Variants in DLEU7 observed in about 807,000 individuals in gnomAD.
DLEU7 encodes leukemia-associated protein 7.
A neutral mutation model predicts 16.0 loss-of-function variants in DLEU7; 17 were observed. The observed-to-expected ratio is 1.06, with a 90% confidence interval of 0.73 to 1.59. The LOEUF is 1.59. DLEU7 is among the 40% of genes most tolerant of loss of function. The pLI, the probability that DLEU7 is intolerant of heterozygous loss-of-function variation, is 0.00. For missense variants in DLEU7, 308 were observed against 314.9 expected (o/e 0.98, Z 0.17); for synonymous variants, 113 against 139.8 (o/e 0.81, Z 1.35).
chr13:50,733,035 C>T (rs1019341956), intron 1 of DLEU7, among the ~76,000 whole-genome samples: 38 of 152,150 alleles, frequency 2.5e-4, no homozygotes, highest in African/African-American at 8.9e-4. Flanking sequence ...CGCATGTATG[C>T]GCACTCACAC....
At chr13:50,827,929 T>C (rs1877144873) in intron 1 of DLEU7, among the ~76,000 whole-genome samples, 1 of 152,068 alleles carries the variant, frequency 6.6e-6, no homozygotes, top group Non-Finnish European at 1.5e-5. Context: ...ACATAAAGAT[T>C]GAAAGTGAAT....
chr13:50,813,010 C>A (rs1389884374), intron 1 of DLEU7: 1 of 152,092 alleles, frequency 6.6e-6, no homozygotes, highest in Non-Finnish European at 1.5e-5. Flanking sequence ...CCGTTATTCC[C>A]ACGTGATCCC....
At chr13:50,725,954 C>T (rs1193963731) in intron 1 of DLEU7, among the ~76,000 whole-genome samples, 1 of 152,068 alleles carries the variant, frequency 6.6e-6, no homozygotes, top group Non-Finnish European at 1.5e-5. Context: ...ATTGGAAATA[C>T]CTTATTTTTC....
At chr13:50,767,346 C>G (rs570226546) in intron 1 of DLEU7, among the ~76,000 whole-genome samples, 1 of 150,790 alleles carries the variant, frequency 6.6e-6, no homozygotes, top group East Asian at 2.0e-4. Context: ...GTCCCAGCTA[C>G]GCGGGAGGCT....
At chr13:50,761,592 A>G (rs1874932534) in intron 1 of DLEU7, among the ~76,000 whole-genome samples, 1 of 152,070 alleles carries the variant, frequency 6.6e-6, no homozygotes, top group South Asian at 2.1e-4. Context: ...GCCTGCACCA[A>G]CCAGGTCGCT....
chr13:50,720,142 T>C (rs1873557843), intron 1 of DLEU7, among the ~76,000 whole-genome samples: 6 of 152,228 alleles, frequency 3.9e-5, no homozygotes, highest in Admixed American at 3.9e-4. Context: ...GCTCTCACAG[T>C]ACTACAGAAA....
At chr13:50,728,633 C>T (rs1181871474) in intron 1 of DLEU7, among the ~76,000 whole-genome samples, 2 of 152,016 alleles carry the variant, frequency 1.3e-5, no homozygotes, top group Non-Finnish European at 2.9e-5. Context: ...TCATAGGAAC[C>T]CACCAAGAGT....
chr13:50,826,108 C>G (rs554244581), intron 1 of DLEU7, among the ~76,000 whole-genome samples: 2 of 149,912 alleles, frequency 1.3e-5, no homozygotes, highest in South Asian at 4.2e-4. Flanking sequence ...GAGCACACAA[C>G]CTAGATCCTT....
chr13:50,742,073 C>T (rs1874264847), intron 1 of DLEU7, among the ~76,000 whole-genome samples: 1 of 151,908 alleles, frequency 6.6e-6, no homozygotes, highest in African/African-American at 2.4e-5. Context: ...TTTATTTTGC[C>T]CTAAGATATT....
chr13:50,799,586 C>A (rs934376105), intron 1 of DLEU7, among the ~76,000 whole-genome samples: 1 of 152,186 alleles, frequency 6.6e-6, no homozygotes, highest in Non-Finnish European at 1.5e-5. Flanking sequence ...TTCTGTAGCA[C>A]CAGCAGTTTC....
At chr13:50,829,946 G>C (rs1877209621) in intron 1 of DLEU7, among the ~76,000 whole-genome samples, 1 of 152,148 alleles carries the variant, frequency 6.6e-6, no homozygotes, top group South Asian at 2.1e-4. Context: ...GCTTTCAGTA[G>C]AAACTCACAT....
chr13:50,713,864 C>T (rs1037198544), intron 1 of DLEU7, among the ~76,000 whole-genome samples: 5 of 152,200 alleles, frequency 3.3e-5, no homozygotes, highest in African/African-American at 7.2e-5. Context: ...CCACCTGCCT[C>T]CCTCCTCAGA....
chr13:50,761,929 G>A lies in DLEU7; in HGVS notation c.460-48689C>T, dbSNP rs145626338. Among the ~76,000 whole-genome samples, 533 of 152,068 alleles carry A rather than the reference G, an allele frequency of 3.5e-3. 4 individuals carry two copies. Among genetic ancestry groups the A allele is most frequent in the African/African-American group, 0.011 (445 of 41,506 alleles). On this transcript the variant is annotated intron_variant, in intron 1 of 1. Transcript: ENST00000400393. Reference sequence around the variant, plus strand: ...TATTGGGCCGGGCACGGTGGCTCACGCCTGTAATCCCAGCACTTTGGGAGG... The same window carrying A: ...TATTGGGCCGGGCACGGTGGCTCACACCTGTAATCCCAGCACTTTGGGAGG...
intron 1 of DLEU7, among the ~76,000 whole-genome samples, chr13:50,713,761 T>G (rs1047567878): frequency 6.6e-6 from 1 of 152,330 alleles, no homozygotes; most frequent in Admixed American, 6.5e-5. Flanking sequence ...GAAGCTGGGC[T>G]TGATTATAAA....
At chr13:50,811,437 T>C (rs1789829822) in intron 1 of DLEU7, among the ~76,000 whole-genome samples, 1 of 152,084 alleles carries the variant, frequency 6.6e-6, no homozygotes, top group South Asian at 2.1e-4. Flanking sequence ...AGCACTCCTA[T>C]CTATTAAATA....
intron 1 of DLEU7, among the ~76,000 whole-genome samples, chr13:50,833,504 A>G (rs933648817): frequency 2.0e-5 from 3 of 152,242 alleles, no homozygotes; most frequent in Admixed American, 2.0e-4. Flanking sequence ...GACCTCTTCA[A>G]TGAGAACTAC....
chr13:50,817,867 C>T (rs983618685), intron 1 of DLEU7, among the ~76,000 whole-genome samples: 1 of 151,490 alleles, frequency 6.6e-6, no homozygotes, highest in Non-Finnish European at 1.5e-5. Flanking sequence ...CTTAGAGCTC[C>T]CAGGAAATTA....
chr13:50,814,477 TAATG>T (rs1411735617), intron 1 of DLEU7, among the ~76,000 whole-genome samples: 3 of 151,968 alleles, frequency 2.0e-5, no homozygotes, highest in African/African-American at 7.2e-5. Context: ...AAACTAATAA[TAATG>T]AACAATAATA....
intron 1 of DLEU7, among the ~76,000 whole-genome samples, chr13:50,809,149 C>G (rs1389785894): frequency 3.3e-5 from 5 of 152,140 alleles, no homozygotes; most frequent in Non-Finnish European, 4.4e-5. Flanking sequence ...CTTTCCTCAC[C>G]AACCGGCAGC....
Sources: gnomAD v4.1 joint callset for allele counts (sites outside exome capture counted in the v4.1 genomes callset) on GRCh38, gnomAD v4.1.1 for gene constraint, MANE v1.5 for transcripts, NCBI Gene and HGNC (gene_info 2026-07-23, HGNC 2026-07-21) for gene names.